The following SCAF8 variants were observed in gnomAD, a reference collection of about 807,000 sequenced individuals.
SCAF8 encodes the protein SR-related CTD associated factor 8, also known as SR-related and CTD-associated factor 8.
Under a neutral mutation model 140.5 loss-of-function variants are expected in SCAF8, and 23 were observed. The ratio of observed to expected loss-of-function variants is 0.16; its 90% CI spans 0.12 to 0.23. The LOEUF (loss-of-function observed/expected upper bound fraction) is 0.23, where lower values mean the gene tolerates loss of function less well. SCAF8 is among the 10% of genes least tolerant of loss of function. SCAF8 has a pLI of 1.00. For missense variants in SCAF8, 1,397 were observed against 1,555.7 expected, an observed-to-expected ratio of 0.90 and a Z score of 1.72; for synonymous variants, 575 against 528.9, an observed-to-expected ratio of 1.09 and a Z score of -1.20.
In SCAF8 at chr6:154,833,245, T is replaced by G; in HGVS notation, c.3666T>G (p.His1222Gln). 1 of 1,614,048 alleles carries G rather than the reference T, an allele frequency of 6.2e-7. No individual in the cohort carries two copies. The highest frequency in any genetic ancestry group is 8.5e-7 in the Non-Finnish European group (1 of 1,179,998). The part of the protein sequence containing the change: ...PQVNGENTER[H>Q]AQPPPIPVQN... Reference sequence around the variant, plus strand: ...TTAATGGTGAAAATACAGAGAGACATGCTCAGCCACCACCTATACCAGTAC... The same window carrying G: ...TTAATGGTGAAAATACAGAGAGACAGGCTCAGCCACCACCTATACCAGTAC... The change falls in exon 20 of 20, where the codon CAT (histidine) becomes CAG (glutamine). Residue 1222 changes from histidine to glutamine, a missense_variant. Around this residue, in one of 5 missense-constraint regions of SCAF8, gnomAD observed 930 missense variants for 874.6 expected, o/e 1.06. Coordinates refer to ENST00000367178, the MANE Select transcript of SCAF8 (RefSeq NM_014892.5).
At chr6:154,804,332 C>T (rs1777852302) in intron 8 of SCAF8, among the ~76,000 whole-genome samples, 1 of 151,816 alleles carries the variant, frequency 6.6e-6, no homozygotes, top group African/African-American at 2.4e-5. Flanking sequence ...AAAATGATTC[C>T]CCTTGACAAA....
chr6:154,742,925 T>C (rs142272675), intron 1 of SCAF8, among the ~76,000 whole-genome samples: 2 of 151,582 alleles, frequency 1.3e-5, no homozygotes, highest in Non-Finnish European at 2.9e-5. Context: ...GTAACTAATA[T>C]TTAATGAACA....
chr6:154,769,987 T>C (rs549274026), intron 1 of SCAF8, among the ~76,000 whole-genome samples: 1 of 152,348 alleles, frequency 6.6e-6, no homozygotes, highest in Non-Finnish European at 1.5e-5. Flanking sequence ...CTGTAAGCAC[T>C]GTAGTAATGT....
intron 1 of SCAF8, among the ~76,000 whole-genome samples, chr6:154,735,795 T>C (rs1357090913): frequency 5.9e-5 from 9 of 152,136 alleles, no homozygotes; most frequent in Non-Finnish European, 1.3e-4. Context: ...ATTATGGGCG[T>C]GTGCCACTGC....
chr6:154,827,845 G>T (rs1583072205), intron 18 of SCAF8, among the ~76,000 whole-genome samples: 2 of 144,684 alleles, frequency 1.4e-5, no homozygotes, highest in Non-Finnish European at 3.1e-5. Context: ...GGGGGGGGGG[G>T]CGGTGTAAAA....
In SCAF8 at chr6:154,788,100, A is replaced by T. The variant is rs551577491; in HGVS notation, c.321+78A>T. Reference sequence around the variant, plus strand: ...CTTGGTCTTAATTAGTCTTCAGATTATCTTAGTACAGTCATGTGCCACATA... The same window carrying T: ...CTTGGTCTTAATTAGTCTTCAGATTTTCTTAGTACAGTCATGTGCCACATA... On this transcript the variant is annotated intron_variant, in intron 4 of 19. Coordinates refer to ENST00000367178, the MANE Select transcript of SCAF8 (RefSeq NM_014892.5). 72 of 1,211,412 alleles carry T rather than the reference A, an allele frequency of 5.9e-5. 1 individual carries two copies. In the South Asian group the frequency reaches 1.0e-3, roughly 17 times the overall value. The allele number at this position is 1,211,412 out of a possible 1,614,324, so 75.0% of individuals were successfully genotyped here.
At chr6:154,784,120 GATATATATATATAT>G (rs72135986) in intron 3 of SCAF8, among the ~76,000 whole-genome samples, 2,910 of 106,878 alleles carry the variant, frequency 0.027, 186 homozygotes, top group African/African-American at 0.088. Flanking sequence ...GGTGTCTTGA[GATATATATATATAT>G]ATATATATAT....
chr6:154,812,657 T>G (rs1778130706), intron 12 of SCAF8, among the ~76,000 whole-genome samples: 2 of 152,178 alleles, frequency 1.3e-5, no homozygotes. Flanking sequence ...GTCTTTAGCA[T>G]GGATTTTAGA....
intron 19 of SCAF8, 49 bp from the exon 20 acceptor site, chr6:154,831,890 A>C: frequency 1.3e-6 from 2 of 1,497,184 alleles, no homozygotes; most frequent in East Asian, 4.5e-5. Context: ...AAATTATTGG[A>C]AACTTTTGAC....
intron 1 of SCAF8, 115 bp downstream of exon 1, chr6:154,734,045 G>A: frequency 1.4e-6 from 2 of 1,394,372 alleles, no homozygotes; most frequent in Admixed American, 3.4e-5. Context: ...TGGGGTGAGC[G>A]GTGGCCTAGC....
intron 4 of SCAF8, among the ~76,000 whole-genome samples, chr6:154,789,825 G>A (rs1024253683): frequency 1.3e-5 from 2 of 152,156 alleles, no homozygotes; most frequent in African/African-American, 4.8e-5. Context: ...GATTACAGGC[G>A]TGAGCCACCG....
intron 1 of SCAF8, among the ~76,000 whole-genome samples, chr6:154,750,816 A>G (rs150107339): frequency 2.6e-4 from 40 of 152,360 alleles, no homozygotes; most frequent in African/African-American, 8.9e-4. Context: ...TTATTTGGGA[A>G]ATTCCAACTA....
chr6:154,735,595 C>T (rs1449406553), intron 1 of SCAF8, among the ~76,000 whole-genome samples: 1 of 148,944 alleles, frequency 6.7e-6, no homozygotes, highest in Non-Finnish European at 1.5e-5. Context: ...CTCACTGTAG[C>T]CTCCACCTCC....
chr6:154,792,334 C>T (rs188980290), intron 4 of SCAF8, among the ~76,000 whole-genome samples: 2 of 152,276 alleles, frequency 1.3e-5, no homozygotes, highest in East Asian at 3.9e-4. Context: ...AGGAAATGCC[C>T]TCTCCTCAAG....
intron 3 of SCAF8, among the ~76,000 whole-genome samples, chr6:154,784,211 C>T (rs963395956): frequency 1.4e-5 from 2 of 143,800 alleles, no homozygotes; most frequent in Non-Finnish European, 3.0e-5. Context: ...GGACTTTTAT[C>T]ATGAGTATAC....
intron 13 of SCAF8, 48 bp from the exon 14 acceptor site, chr6:154,818,431 A>G (rs901118745): frequency 3.2e-6 from 3 of 950,870 alleles, no homozygotes; most frequent in African/African-American, 3.3e-5. Context: ...AAATACCAGA[A>G]TGAGTTTCTG....
In SCAF8 at chr6:154,832,328, A is replaced by G; in HGVS notation, c.2749A>G (p.Arg917Gly). 1 of 1,614,012 alleles carries G rather than the reference A, an allele frequency of 6.2e-7. No individual in the cohort carries two copies. The highest frequency in any genetic ancestry group is 8.5e-7 in the Non-Finnish European group (1 of 1,179,996). The change falls in exon 20 of 20, where the codon AGG becomes GGG. Residue 917 changes from arginine (R) to glycine (G), a missense_variant. By Grantham distance (125) the Arg-to-Gly change is moderately radical (BLOSUM62 -2). Transcript: ENST00000367178. ...NLPPLSIPNQ[R>G]MPTMPMLDIR... The stretch of plus-strand genomic sequence containing the variant: ...ACCCCCTTTAAGTATCCCTAATCAA[A>G]GGATGCCCACAATGCCAATGTTAGA...
intron 1 of SCAF8, among the ~76,000 whole-genome samples, chr6:154,748,201 C>A (rs376672802): frequency 1.8e-4 from 27 of 152,116 alleles, no homozygotes; most frequent in African/African-American, 6.3e-4. Flanking sequence ...AATAAAACTG[C>A]ACTAATTGGC....
chr6:154,780,698 G>T (rs1301795141), intron 3 of SCAF8, among the ~76,000 whole-genome samples: 1 of 152,034 alleles, frequency 6.6e-6, no homozygotes, highest in East Asian at 1.9e-4. Context: ...CAAAGTACAT[G>T]ATCTCATTCC....
Sources: gnomAD v4.1 joint callset for allele counts (sites outside exome capture counted in the v4.1 genomes callset) on GRCh38, gnomAD v4.1.1 for gene constraint, gnomAD v4.1.1 regional missense constraint, MANE v1.5 for transcripts, NCBI Gene and HGNC (gene_info 2026-07-23, HGNC 2026-07-21) for gene names.